The following IDO1 variants were observed in gnomAD, a reference collection of about 807,000 sequenced individuals.
IDO1 encodes indolamine 2,3 dioxygenase.
Under a neutral mutation model 38.8 loss-of-function variants are expected in IDO1, and 35 were observed. That is an observed-to-expected ratio of 0.90 (90% CI 0.69 to 1.20). The LOEUF (loss-of-function observed/expected upper bound fraction) is 1.20, where lower values mean the gene tolerates loss of function less well. IDO1 is among the 50% of genes most tolerant of loss of function. The pLI is 0.00. For synonymous variants in IDO1, 171 were observed against 170.0 expected, an observed-to-expected ratio of 1.01 and a Z score of -0.05; for missense variants, 509 against 485.1, an observed-to-expected ratio of 1.05 and a Z score of -0.46.
At chr8:39,919,971 C>T in intron 4 of IDO1, 129 bp from the exon 5 acceptor site, 2 of 783,436 alleles carry the variant, frequency 2.6e-6, no homozygotes, top group Non-Finnish European at 2.2e-6. Flanking sequence ...TAAGCTTTTT[C>T]TTTTTACCTA....
intron 4 of IDO1, 185 bp downstream of exon 4, chr8:39,919,118 T>A (rs1314625029): frequency 2.7e-6 from 2 of 731,118 alleles, no homozygotes; most frequent in Non-Finnish European, 5.0e-6. Context: ...TGTACACATA[T>A]GTGACAGGTG....
At chr8:39,919,140 C>A in intron 4 of IDO1, 1 of 703,342 alleles carries the variant, frequency 1.4e-6, no homozygotes, top group Non-Finnish European at 2.6e-6. Context: ...ATAGTTAACA[C>A]AGTAAAATGC....
In IDO1 at chr8:39,922,627, A is replaced by G. The variant is rs1415960300; in HGVS notation, c.513A>G (p.Glu171=). ...TCTTCCTGGTCTCTCTATTGGTGGA[A>G]ATAGCAGCTGCTTCTGCAATCAAAG... ...KGFFLVSLLV[E]IAAASAIKVI... Residue 171 remains glutamate (E), a synonymous_variant, in exon 6 of 10, where the codon GAA becomes GAG. Transcript: ENST00000518237. 3 of 1,612,616 alleles carry G rather than the reference A, an allele frequency of 1.9e-6. No homozygotes were observed. Among genetic ancestry groups the G allele is most frequent in the African/African-American group, 1.3e-5 (1 of 75,040 alleles).
At chr8:39,914,223 A>C (rs1807139745) in intron 1 of IDO1, 1 of 451,134 alleles carries the variant, frequency 2.2e-6, no homozygotes, top group African/African-American at 2.0e-5. Context: ...TTTCTTACTT[A>C]CCTAACATGG....
At chr8:39,921,150 A>G (rs1408904164) in intron 5 of IDO1, among the ~76,000 whole-genome samples, 1 of 152,176 alleles carries the variant, frequency 6.6e-6, no homozygotes. Flanking sequence ...GGCTAATGTC[A>G]CTGATAATAA....
intron 4 of IDO1, among the ~76,000 whole-genome samples, chr8:39,919,330 T>C (rs1807233021): frequency 6.6e-6 from 1 of 152,180 alleles, no homozygotes. Flanking sequence ...ATGATTTTTG[T>C]TATTGGGTTT....
intron 5 of IDO1, chr8:39,920,737 G>A (rs1230693290): frequency 3.3e-5 from 5 of 152,052 alleles, no homozygotes; most frequent in Non-Finnish European, 7.3e-5. Context: ...GCTGAGGCAG[G>A]AGAATCAATT....
At chr8:39,926,740 G>A (rs1386683912) in intron 9 of IDO1, among the ~76,000 whole-genome samples, 5 of 152,002 alleles carry the variant, frequency 3.3e-5, no homozygotes, top group Non-Finnish European at 7.4e-5. Context: ...TATTACACAG[G>A]TATAATGGGT....
chr8:39,919,480 A>T (rs1807235973), intron 4 of IDO1, among the ~76,000 whole-genome samples: 1 of 152,058 alleles, frequency 6.6e-6, no homozygotes, highest in South Asian at 2.1e-4. Flanking sequence ...GGCAGCAATG[A>T]CTGGTTTCTC....
intron 1 of IDO1, among the ~76,000 whole-genome samples, chr8:39,917,565 C>T (rs2129592124): frequency 6.6e-6 from 1 of 152,262 alleles, no homozygotes; most frequent in African/African-American, 2.4e-5. Context: ...AGGCATAATC[C>T]ATAGAATTTA....
Position 39,924,599 on chromosome 8 carries a change from A to G in IDO1, c.656-122A>G, listed in dbSNP as rs976023439. ...TATCTGCAGGGGCTTTGTTTAGCAT[A>G]GACTGACCTAATGCCTTTTCCTGCA... On this transcript the variant is annotated intron_variant, in intron 7 of 9. Transcript: ENST00000518237. The G allele has an allele frequency of 2.2e-5, 15 of 683,862 alleles. No individual in the cohort carries two copies. In the South Asian group the frequency reaches 2.3e-4, roughly 10 times the overall value. 42.4% of individuals were successfully genotyped at this position (683,862 alleles called of 1,614,324 possible).
chr8:39,919,564 GAAC>G (rs1807237571), intron 4 of IDO1, among the ~76,000 whole-genome samples: 1 of 152,112 alleles, frequency 6.6e-6, no homozygotes, highest in African/African-American at 2.4e-5. Context: ...AGGAAAGGGA[GAAC>G]CAAAGCCCAC....
At position 39,922,543 on chromosome 8, in the gene IDO1, T is replaced by G; in HGVS notation, c.438-9T>G. On this transcript the variant is annotated splice_polypyrimidine_tract_variant and intron_variant, in intron 5 of 9. Coordinates refer to ENST00000518237, the MANE Select transcript of IDO1 (RefSeq NM_002164.6). ...TAAACTTCTTGCCTTCCTTATCCAA[T>G]TTCCTCAGGAACATGGACGTTTTGT... is the stretch of plus-strand genomic sequence containing the variant. 6.3e-7 allele frequency: 1 copy of G among 1,592,316 alleles called. No individual in the cohort carries two copies. Among genetic ancestry groups the G allele is most frequent in the Non-Finnish European group, 8.6e-7 (1 of 1,160,454 alleles).
chr8:39,917,840 C>G (rs1255414863), intron 1 of IDO1, 35 bp from the exon 2 acceptor site: 5 of 1,394,010 alleles, frequency 3.6e-6, no homozygotes, highest in Non-Finnish European at 5.0e-6. Context: ...ACAATAACTG[C>G]TACTACTAAA....
At chr8:39,927,117 G>C (rs1220221153) in intron 9 of IDO1, among the ~76,000 whole-genome samples, 1 of 151,946 alleles carries the variant, frequency 6.6e-6, no homozygotes, top group African/African-American at 2.4e-5. Context: ...TGGGCACCTG[G>C]GTTCATTCCA....
At chr8:39,921,178 G>A (rs1312400925) in intron 5 of IDO1, among the ~76,000 whole-genome samples, 5 of 152,062 alleles carry the variant, frequency 3.3e-5, no homozygotes, top group Non-Finnish European at 4.4e-5. Context: ...AAATAACAGT[G>A]TGAGAAAAAG....
chr8:39,925,682 G>A (rs1807348975), intron 9 of IDO1, among the ~76,000 whole-genome samples: 1 of 152,032 alleles, frequency 6.6e-6, no homozygotes, highest in African/African-American at 2.4e-5. Flanking sequence ...TCAGGAGTTT[G>A]AGACCAGCCT....
chr8:39,920,103 C>A lies in IDO1; in HGVS notation c.426C>A (p.Pro142=), dbSNP rs1281663638. 6.2e-7 allele frequency: 1 copy of A among 1,610,226 alleles called. No individual in the cohort carries two copies. The highest frequency in any genetic ancestry group is 8.5e-7 in the Non-Finnish European group (1 of 1,177,942). Residue 142 remains proline (P), a synonymous_variant, in exon 5 of 10, where the codon CCC becomes CCA. Transcript: ENST00000518237. ...ANWKKKDPNK[P]LTYENMDVLF... is the part of the protein sequence containing the mutation. ...GCTTCATGGCTGCTTTCATAAGGCC[C>A]CTGACTTATGAGTAAGTATCTGATT...
At position 39,922,683 on chromosome 8, in the gene IDO1, T is replaced by C. The variant is rs759703636; in HGVS notation, c.537+32T>C. On this transcript the variant is annotated intron_variant, in intron 6 of 9. Transcript: ENST00000518237. ...CTATCCTCACTTCAAAATTTATATG[T>C]CAATTTACGTAAGCAGAGCAATCAC... The C allele has an allele frequency of 5.7e-6, 8 of 1,405,736 alleles. No individual in the cohort carries two copies. The South Asian group carries it at 8.1e-5, about 14-fold the overall frequency. The allele number at this position is 1,405,736 out of a possible 1,614,324, so 87.1% of individuals were successfully genotyped here.
Sources: gnomAD v4.1 joint callset for allele counts (sites outside exome capture counted in the v4.1 genomes callset) on GRCh38, gnomAD v4.1.1 for gene constraint, MANE v1.5 for transcripts, NCBI Gene and HGNC (gene_info 2026-07-23, HGNC 2026-07-21) for gene names.